SDHAF4: variants seen among roughly 807,000 people sequenced by gnomAD.
SDHAF4 encodes succinate dehydrogenase assembly factor 4, mitochondrial.
SDHAF4 carries 14 observed loss-of-function variants against 14.3 expected under a neutral mutation model. The observed-to-expected ratio is 0.98, with a 90% CI of 0.65 to 1.53. The LOEUF (loss-of-function observed/expected upper bound fraction) is 1.53, where lower values mean the gene tolerates loss of function less well. Ranked by LOEUF, SDHAF4 falls within the 40% of genes most tolerant of loss-of-function variation. SDHAF4 has a pLI of 0.00. For missense variants in SDHAF4, 141 were observed against 129.3 expected, an observed-to-expected ratio of 1.09 and a Z score of -0.44; for synonymous variants, 63 against 47.3, an observed-to-expected ratio of 1.33 and a Z score of -1.36.
At chr6:70,567,712 G>A (rs1435758593) in intron 1 of SDHAF4, 1 of 151,988 alleles carries the variant, frequency 6.6e-6, no homozygotes, top group Non-Finnish European at 1.5e-5. Flanking sequence ...TTGAGATGGA[G>A]TCTCGCTCTG....
At position 70,588,823 on chromosome 6, in the gene SDHAF4, A is replaced by C; in HGVS notation, c.*99A>C. The C allele has an allele frequency of 1.9e-6, 1 of 539,252 alleles. No individual in the cohort carries two copies. Among genetic ancestry groups the C allele is most frequent in the Non-Finnish European group, 3.3e-6 (1 of 306,664 alleles). The allele number at this position is 539,252 out of a possible 1,614,324, so 33.4% of individuals were successfully genotyped here. A position where few individuals can be genotyped will look rare whatever the true frequency, so the allele number is the denominator to read the frequency against. Reference sequence around the variant, plus strand: ...TTTCTTTATATCCTTTATGTCGTGTAGTTTGTATAATGTGTTTAAATATAT... The same window carrying C: ...TTTCTTTATATCCTTTATGTCGTGTCGTTTGTATAATGTGTTTAAATATAT... On this transcript the variant is annotated 3_prime_UTR_variant, in exon 3 of 3. Coordinates refer to ENST00000370474, the MANE Select transcript of SDHAF4 (RefSeq NM_145267.3).
At chr6:70,596,221 C>G in the SDHAF4 span, among the ~76,000 whole-genome samples, 2 of 152,120 alleles carry the variant, frequency 1.3e-5, no homozygotes, top group Non-Finnish European at 2.9e-5. Context: ...TTGACAGAAC[C>G]CTAGCTGCTA....
At chr6:70,579,385 C>T (rs1486066271) in intron 1 of SDHAF4, 29 bp from the exon 2 acceptor site, 1 of 1,406,482 alleles carries the variant, frequency 7.1e-7, no homozygotes, top group Non-Finnish European at 9.4e-7. Flanking sequence ...TGAACAGCTC[C>T]TATTTTTCTA....
the SDHAF4 span, among the ~76,000 whole-genome samples, chr6:70,595,708 C>T: frequency 9.1e-3 from 1,389 of 152,044 alleles, 22 homozygotes; most frequent in African/African-American, 0.032. Context: ...CGGTGGCGCA[C>T]GCCCGTAATC....
At chr6:70,593,826 G>A (rs1765279585), downstream of SDHAF4, among the ~76,000 whole-genome samples, 1 of 152,040 alleles carries the variant, frequency 6.6e-6, no homozygotes, top group Non-Finnish European at 1.5e-5. Flanking sequence ...TGAGTAGCTG[G>A]AATTACAGGC....
intron 1 of SDHAF4, among the ~76,000 whole-genome samples, chr6:70,577,429 T>C (rs1802270028): frequency 6.6e-6 from 1 of 152,202 alleles, no homozygotes; most frequent in African/African-American, 2.4e-5. Flanking sequence ...TTCCCTGTGG[T>C]TTTGCCCTTG....
chr6:70,581,568 G>A (rs1802322947), intron 2 of SDHAF4, among the ~76,000 whole-genome samples: 1 of 152,002 alleles, frequency 6.6e-6, no homozygotes, highest in East Asian at 1.9e-4. Flanking sequence ...GCTTTCATTA[G>A]TTTCATTTTT....
intron 2 of SDHAF4, among the ~76,000 whole-genome samples, chr6:70,585,470 G>A (rs887872031): frequency 6.6e-6 from 1 of 152,186 alleles, no homozygotes; most frequent in African/African-American, 2.4e-5. Flanking sequence ...CAGGAAGAAA[G>A]CCCTCATGAG....
rs202098262 is a variant in SDHAF4 at position 70,573,264 on chromosome 6, C to CTTTTT, written c.65-6137_65-6133dup. ...AATTGTATTTATTCTGCTATTTGGC[C>CTTTTT]TTTTTTTTTTTTTTTTTGAGACGGA... On this transcript the variant is annotated intron_variant, in intron 1 of 2. Transcript: ENST00000370474. Among the ~76,000 whole-genome samples, 4 of 110,426 alleles carry CTTTTT rather than the reference C, an allele frequency of 3.6e-5. No homozygotes were observed. The South Asian group carries it at 8.0e-4, about 22-fold the overall frequency. The allele number at this position is 110,426 out of a possible 152,430, so 72.4% of individuals were successfully genotyped here.
At chr6:70,574,333 A>G (rs949770440) in intron 1 of SDHAF4, among the ~76,000 whole-genome samples, 8 of 125,894 alleles carry the variant, frequency 6.4e-5, no homozygotes, top group African/African-American at 4.6e-4. Context: ...AAAAAAGAAA[A>G]AAAAAAAAGA....
the SDHAF4 span, chr6:70,597,041 A>C: frequency 6.6e-6 from 1 of 152,238 alleles, no homozygotes; most frequent in Non-Finnish European, 1.5e-5. Context: ...GTGCCTAATG[A>C]GTTCATTCAT....
At chr6:70,583,099 G>C (rs1437317403) in intron 2 of SDHAF4, among the ~76,000 whole-genome samples, 1 of 152,114 alleles carries the variant, frequency 6.6e-6, no homozygotes, top group Non-Finnish European at 1.5e-5. Flanking sequence ...GTTTGAGCTG[G>C]GGTCTAAGGA....
intron 2 of SDHAF4, 55 bp from the exon 3 acceptor site, chr6:70,588,560 T>C (rs1581933266): frequency 2.5e-6 from 2 of 793,650 alleles, no homozygotes; most frequent in Non-Finnish European, 4.2e-6. Context: ...TTAAATTGAC[T>C]ATAAGGCCTT....
chr6:70,572,664 A>T (rs936924552), intron 1 of SDHAF4, among the ~76,000 whole-genome samples: 2 of 151,622 alleles, frequency 1.3e-5, no homozygotes, highest in African/African-American at 4.8e-5. Flanking sequence ...TTTTTTAAAC[A>T]TGCAAATGGT....
downstream of SDHAF4, among the ~76,000 whole-genome samples, chr6:70,593,251 G>T (rs779787363): frequency 3.3e-5 from 5 of 152,256 alleles, no homozygotes; most frequent in Non-Finnish European, 7.3e-5. Flanking sequence ...TGCTTATTCT[G>T]CAGGCACACA....
At chr6:70,586,498 A>G (rs1197718953) in intron 2 of SDHAF4, among the ~76,000 whole-genome samples, 1 of 113,136 alleles carries the variant, frequency 8.8e-6, no homozygotes, top group Non-Finnish European at 1.7e-5. Flanking sequence ...GGGGCCTTCT[A>G]TTGCATGGTC....
At chr6:70,587,077 A>G (rs1438005817) in intron 2 of SDHAF4, among the ~76,000 whole-genome samples, 2 of 152,040 alleles carry the variant, frequency 1.3e-5, no homozygotes, top group African/African-American at 4.8e-5. Context: ...AGGCTGAGGC[A>G]GGAGAATCAC....
At chr6:70,574,244 C>T (rs138689008) in intron 1 of SDHAF4, among the ~76,000 whole-genome samples, 14,462 of 151,394 alleles carry the variant, frequency 0.096, 2,244 homozygotes, top group African/African-American at 0.33. Flanking sequence ...CGCTTGATCC[C>T]GGGAGGTGGA....
rs969487278 is a variant in SDHAF4, at chr6:70,574,664, G to C, written c.65-4750G>C. ...TGTTTTAAATCTTTCAGCTGGGTGC[G>C]GTGGCTCACACCCATAATCCCAGCA... is the stretch of plus-strand genomic sequence containing the variant. On this transcript the variant is annotated intron_variant, in intron 1 of 2. Transcript: ENST00000370474. 2.6e-5 allele frequency among the ~76,000 whole-genome samples: 4 copies of C among 151,948 alleles called. No individual in the cohort carries two copies. The South Asian group carries it at 8.3e-4, about 32-fold the overall frequency.
Sources: allele counts gnomAD v4.1 joint callset (sites outside exome capture counted in the v4.1 genomes callset), GRCh38; gene constraint gnomAD v4.1.1; transcripts MANE v1.5; gene names NCBI Gene and HGNC (gene_info 2026-07-23, HGNC 2026-07-21).